THSD7B: variants seen among roughly 807,000 people sequenced by gnomAD.
The protein encoded by THSD7B is thrombospondin type 1 domain containing 7B.
Under a neutral mutation model 213.6 loss-of-function variants are expected in THSD7B, and 138 were observed. The observed-to-expected ratio is 0.65, with a 90% CI of 0.56 to 0.74. THSD7B has a LOEUF of 0.74. Ranked by LOEUF, THSD7B falls within the 30% of genes least tolerant of loss-of-function variation. The pLI is 0.00. For synonymous variants in THSD7B, 742 were observed against 687.0 expected, an observed-to-expected ratio of 1.08 and a Z score of -1.25; for missense variants, 1,931 against 1,991.5, an observed-to-expected ratio of 0.97 and a Z score of 0.58.
intron 21 of THSD7B, among the ~76,000 whole-genome samples, chr2:137,651,049 C>A (rs932715893): frequency 4.6e-5 from 7 of 152,066 alleles, no homozygotes; most frequent in East Asian, 3.9e-4. Flanking sequence ...TTTTGCTATG[C>A]CCGTTTCTGG....
intron 2 of THSD7B, among the ~76,000 whole-genome samples, chr2:136,985,809 C>G (rs752003491): frequency 2.0e-5 from 3 of 152,222 alleles, no homozygotes; most frequent in Non-Finnish European, 4.4e-5. Context: ...TTGGAAAACT[C>G]TAGCTTATGA....
intron 7 of THSD7B, among the ~76,000 whole-genome samples, chr2:137,212,325 A>C (rs1277853759): frequency 6.6e-6 from 1 of 152,018 alleles, no homozygotes; most frequent in Non-Finnish European, 1.5e-5. Context: ...TCCATGTCTC[A>C]ACAATCATTT....
At chr2:137,165,225 G>A (rs963473094) in intron 6 of THSD7B, among the ~76,000 whole-genome samples, 1 of 152,138 alleles carries the variant, frequency 6.6e-6, no homozygotes, top group South Asian at 2.1e-4. Flanking sequence ...TCACTGACAG[G>A]AGGGATGGTA....
At chr2:137,168,138 A>T (rs1482662007) in intron 6 of THSD7B, among the ~76,000 whole-genome samples, 2 of 152,158 alleles carry the variant, frequency 1.3e-5, no homozygotes, top group Non-Finnish European at 2.9e-5. Flanking sequence ...TAAAGGGTGG[A>T]TGTTAGTTTA....
At chr2:137,251,889 G>C (rs1465152234) in intron 10 of THSD7B, among the ~76,000 whole-genome samples, 4 of 152,188 alleles carry the variant, frequency 2.6e-5, no homozygotes, top group African/African-American at 9.7e-5. Flanking sequence ...GATTGTTTGA[G>C]AAATGTGTGA....
At chr2:137,112,380 T>C (rs1446318545) in intron 4 of THSD7B, among the ~76,000 whole-genome samples, 2 of 151,644 alleles carry the variant, frequency 1.3e-5, no homozygotes, top group Non-Finnish European at 2.9e-5. Flanking sequence ...AAAATAGCAA[T>C]AGTGATAAAT....
At chr2:136,824,797 A>G (rs560341853) in intron 1 of THSD7B, among the ~76,000 whole-genome samples, 11 of 152,284 alleles carry the variant, frequency 7.2e-5, no homozygotes, top group African/African-American at 2.6e-4. Context: ...CTAGCTATGC[A>G]TCTTATTAAC....
intron 9 of THSD7B, among the ~76,000 whole-genome samples, chr2:137,239,585 C>T (rs1319579955): frequency 3.3e-5 from 5 of 152,152 alleles, no homozygotes; most frequent in Admixed American, 1.3e-4. Flanking sequence ...CACAGAAGAG[C>T]CATGTAGCTC....
In THSD7B at chr2:137,465,677, T is replaced by A. The variant is rs1687978288; in HGVS notation, c.3138+14654T>A. ...CATCTTCCACCCTAATGAATGCAAG[T>A]GTAATAAGACATATCAGTAACATGG... On this transcript the variant is annotated intron_variant, in intron 15 of 27. Transcript: ENST00000409968. Among the ~76,000 whole-genome samples the A allele has an allele frequency of 2.6e-5, 4 of 152,114 alleles. No homozygotes were observed. In the South Asian group the frequency reaches 8.3e-4, roughly 31 times the overall value.
At chr2:137,472,417 G>C (rs145094973) in intron 15 of THSD7B, among the ~76,000 whole-genome samples, 1 of 152,202 alleles carries the variant, frequency 6.6e-6, no homozygotes, top group East Asian at 1.9e-4. Flanking sequence ...AGTAGAAAAA[G>C]TATGTATTAG....
At chr2:136,803,187 GTT>G (rs1291180612) in intron 1 of THSD7B, among the ~76,000 whole-genome samples, 1 of 151,802 alleles carries the variant, frequency 6.6e-6, no homozygotes, top group Non-Finnish European at 1.5e-5. Flanking sequence ...ATATAAGACT[GTT>G]TATTTGTTCT....
chr2:137,629,211 T>A (rs200548163), intron 20 of THSD7B, among the ~76,000 whole-genome samples: 2 of 152,154 alleles, frequency 1.3e-5, no homozygotes, highest in African/African-American at 4.8e-5. Flanking sequence ...ACAGTGGCTG[T>A]TTCTTCTCCT....
chr2:137,163,756 C>A (rs1184099643), intron 6 of THSD7B, among the ~76,000 whole-genome samples: 1 of 152,196 alleles, frequency 6.6e-6, no homozygotes, highest in African/African-American at 2.4e-5. Flanking sequence ...ATACACTGCC[C>A]AACTTTGAAT....
At chr2:137,241,880 G>T (rs1681914281) in intron 9 of THSD7B, among the ~76,000 whole-genome samples, 1 of 150,676 alleles carries the variant, frequency 6.6e-6, no homozygotes, top group Non-Finnish European at 1.5e-5. Context: ...CTGCACTCCA[G>T]GCTAAGGGAC....
intron 15 of THSD7B, among the ~76,000 whole-genome samples, chr2:137,488,235 A>T (rs998296515): frequency 6.6e-6 from 1 of 152,174 alleles, no homozygotes; most frequent in African/African-American, 2.4e-5. Flanking sequence ...CTCATTTCTA[A>T]CACTTAAAGT....
chr2:137,380,376 A>T (rs1685746375), intron 12 of THSD7B, among the ~76,000 whole-genome samples: 1 of 152,194 alleles, frequency 6.6e-6, no homozygotes. Flanking sequence ...GCATAGAGTT[A>T]GTCTTCTTTT....
intron 15 of THSD7B, among the ~76,000 whole-genome samples, chr2:137,500,958 A>C (rs1679689666): frequency 6.6e-6 from 1 of 152,076 alleles, no homozygotes; most frequent in African/African-American, 2.4e-5. Flanking sequence ...TTATATTAGA[A>C]AGGTTTAAAT....
chr2:137,497,855 A>C (rs1289507601), intron 15 of THSD7B, among the ~76,000 whole-genome samples: 2 of 152,174 alleles, frequency 1.3e-5, no homozygotes, highest in African/African-American at 4.8e-5. Flanking sequence ...AGGGTAAACT[A>C]ATATTGGTTT....
intron 2 of THSD7B, among the ~76,000 whole-genome samples, chr2:136,898,511 T>C (rs1487312662): frequency 6.6e-6 from 1 of 151,898 alleles, no homozygotes; most frequent in African/African-American, 2.4e-5. Flanking sequence ...GTACTGCAAG[T>C]AAGTTTTACT....
Sources: allele counts gnomAD v4.1 joint callset (sites outside exome capture counted in the v4.1 genomes callset), GRCh38; gene constraint gnomAD v4.1.1; transcripts MANE v1.5; gene names NCBI Gene and HGNC (gene_info 2026-07-23, HGNC 2026-07-21).